The following BMP1 variants were observed in gnomAD, a reference collection of about 807,000 sequenced individuals.
BMP1 encodes bone morphogenetic protein 1, also known as mammalian tolloid protein.
Under a neutral mutation model 116.8 loss-of-function variants are expected in BMP1, and 63 were observed. The ratio of observed to expected loss-of-function variants is 0.54; its 90% CI spans 0.44 to 0.67. The LOEUF (loss-of-function observed/expected upper bound fraction) is 0.67, where lower values mean the gene tolerates loss of function less well. Among genes scored for constraint, BMP1 ranks in the 30% least tolerant of loss-of-function variants. The probability of loss-of-function intolerance (pLI) is 0.00; values close to 1 mark genes in which losing one functional copy is unlikely to be tolerated. For synonymous variants in BMP1, 536 were observed against 533.4 expected, an observed-to-expected ratio of 1.00 and a Z score of -0.07; for missense variants, 1,183 against 1,358.9, an observed-to-expected ratio of 0.87 and a Z score of 2.04.
At chr8:22,211,481 A>G in intron 19 of BMP1, 113 bp from the exon 20 acceptor site, 1 of 1,436,678 alleles carries the variant, frequency 7.0e-7, no homozygotes, top group Non-Finnish European at 9.6e-7. Flanking sequence ...GGCGGGGAGA[A>G]TCTGGTGGCT....
chr8:22,188,446 A>G (rs1047958365), intron 8 of BMP1, among the ~76,000 whole-genome samples: 5 of 152,160 alleles, frequency 3.3e-5, no homozygotes, highest in Non-Finnish European at 7.3e-5. Flanking sequence ...CTGGGATTAC[A>G]GGCATAAGCC....
At chr8:22,196,244 C>T (rs375705753) in intron 13 of BMP1, 13 of 529,400 alleles carry the variant, frequency 2.5e-5, no homozygotes, top group African/African-American at 5.7e-5. Context: ...CGCCTCTCCA[C>T]GCATGGTCCC....
chr8:22,172,607 CTTTTTTTTTTTT>C (rs368585884), intron 1 of BMP1, among the ~76,000 whole-genome samples: 2 of 97,322 alleles, frequency 2.1e-5, no homozygotes, highest in East Asian at 2.7e-4. Context: ...TTTATTTCCT[CTTTTTTTTTTTT>C]TTTTTTTTTT....
At chr8:22,189,925 T>A (rs1563259047) in intron 8 of BMP1, among the ~76,000 whole-genome samples, 1 of 152,152 alleles carries the variant, frequency 6.6e-6, no homozygotes, top group Non-Finnish European at 1.5e-5. Flanking sequence ...TTTATTTTAT[T>A]TTATATTTTT....
intron 16 of BMP1, among the ~76,000 whole-genome samples, chr8:22,202,700 G>C (rs998817624): frequency 1.3e-5 from 2 of 152,230 alleles, no homozygotes; most frequent in South Asian, 2.1e-4. Context: ...TTTTAAACAG[G>C]TTTTTAAACT....
chr8:22,211,552 GC>G (rs1372533018), intron 19 of BMP1, 41 bp from the exon 20 acceptor site: 2 of 1,612,806 alleles, frequency 1.2e-6, no homozygotes, highest in Non-Finnish European at 1.7e-6. Flanking sequence ...AGCAGCCCCA[GC>G]CCCTCTTCCT....
At chr8:22,177,819 T>A in intron 5 of BMP1, 33 bp from the exon 6 acceptor site, 55 of 1,373,210 alleles carry the variant, frequency 4.0e-5, no homozygotes, top group Non-Finnish European at 4.9e-5. Context: ...CACCCCCTCC[T>A]CTCCCCCCAC....
chr8:22,186,747 A>G (rs1326725854), intron 8 of BMP1, among the ~76,000 whole-genome samples: 3 of 151,864 alleles, frequency 2.0e-5, no homozygotes, highest in Admixed American at 6.6e-5. Flanking sequence ...TACAGGCGTG[A>G]GCCCCCATGC....
chr8:22,182,509 CGTT>C (rs1442432974), intron 8 of BMP1, among the ~76,000 whole-genome samples: 1 of 152,218 alleles, frequency 6.6e-6, no homozygotes, highest in Non-Finnish European at 1.5e-5. Flanking sequence ...ATCTTTCTGT[CGTT>C]GGCCCAGGAA....
intron 5 of BMP1, 67 bp downstream of exon 5, chr8:22,177,206 C>A: frequency 9.5e-6 from 14 of 1,468,338 alleles, no homozygotes; most frequent in Middle Eastern, 2.2e-4. Context: ...CTCCAGGACC[C>A]CTGGGGGCAG....
intron 8 of BMP1, among the ~76,000 whole-genome samples, chr8:22,188,874 G>T (rs1040092162): frequency 2.0e-5 from 3 of 152,200 alleles, no homozygotes; most frequent in African/African-American, 7.2e-5. Flanking sequence ...AGGAAAGCGG[G>T]CGCTTGTCCT....
Position 22,173,727 on chromosome 8 carries a change from G to T in BMP1, c.262+12G>T, listed in dbSNP as rs763421868. ...CATCAAAGCTGCAGGTAAGCCGGGT[G>T]CCAATGGGCCCTCTGTGTCCTAGAA... On this transcript the variant is annotated intron_variant, in intron 2 of 19. Transcript: ENST00000306385. 2 of 1,597,794 alleles carry T rather than the reference G, an allele frequency of 1.3e-6. No individual in the cohort carries two copies. Among genetic ancestry groups the T allele is most frequent in the East Asian group, 4.5e-5 (2 of 44,618 alleles).
chr8:22,199,120 G>C, intron 15 of BMP1: 1 of 1,367,616 alleles, frequency 7.3e-7, no homozygotes, highest in Non-Finnish European at 9.8e-7. Flanking sequence ...CCCACCCTCA[G>C]CCCTGCACGG....
chr8:22,178,799 A>G (rs1240214268), intron 6 of BMP1, among the ~76,000 whole-genome samples: 1 of 151,486 alleles, frequency 6.6e-6, no homozygotes, highest in South Asian at 2.1e-4. Flanking sequence ...CTCCTCCTCA[A>G]ACTCCTTCCT....
At chr8:22,192,617 C>T (rs770300594) in intron 9 of BMP1, among the ~76,000 whole-genome samples, 2 of 152,238 alleles carry the variant, frequency 1.3e-5, no homozygotes, top group South Asian at 4.1e-4. Flanking sequence ...CATCTCCTAA[C>T]TCACTGCCGA....
In BMP1 at chr8:22,173,737, C is replaced by A. The variant is rs572208344; in HGVS notation, c.262+22C>A. The A allele has an allele frequency of 3.0e-4, 468 of 1,573,484 alleles. 5 individuals are homozygous for A. The South Asian group carries it at 5.0e-3, about 17-fold the overall frequency. ...GCAGGTAAGCCGGGTGCCAATGGGC[C>A]CTCTGTGTCCTAGAAATGGGTTCCA... On this transcript the variant is annotated intron_variant, in intron 2 of 19. Coordinates refer to ENST00000306385, the MANE Select transcript of BMP1 (RefSeq NM_006129.5).
rs369567618 is a variant in BMP1 at position 22,188,936 on chromosome 8, A to C, written c.1078-3113A>C. Among the ~76,000 whole-genome samples, 74 of 152,318 alleles carry C rather than the reference A, an allele frequency of 4.9e-4. 1 individual carries two copies. In the South Asian group the frequency reaches 0.015, roughly 31 times the overall value. ...TGGCAGGCCCAGGAAGGCCACGTGG[A>C]GGAGTGGTGGAGGGTGTGAGTCAGG... is the stretch of plus-strand genomic sequence containing the variant. On this transcript the variant is annotated intron_variant, in intron 8 of 19. Coordinates refer to ENST00000306385, the MANE Select transcript of BMP1 (RefSeq NM_006129.5).
At chr8:22,188,752 T>C (rs1828849243) in intron 8 of BMP1, among the ~76,000 whole-genome samples, 1 of 152,214 alleles carries the variant, frequency 6.6e-6, no homozygotes, top group South Asian at 2.1e-4. Context: ...CTCCTACTTC[T>C]TTGGAGCTCT....
At position 22,195,567 on chromosome 8, in the gene BMP1, C is replaced by T. The variant is rs762258283; in HGVS notation, c.1745C>T (p.Pro582Leu). 1.9e-6 allele frequency: 3 copies of T among 1,612,374 alleles called. No individual in the cohort carries two copies. The highest frequency in any genetic ancestry group is 3.3e-5 in the Admixed American group (2 of 59,870). Reference protein sequence around the residue: ...CSCDPGYELAPDKRRCEAACG... With the variant: ...CSCDPGYELALDKRRCEAACG... Reference sequence around the variant, plus strand: ...TGTGACCCCGGGTACGAGCTGGCCCCAGACAAGCGCCGCTGTGAGGGTGAG... The same window carrying T: ...TGTGACCCCGGGTACGAGCTGGCCCTAGACAAGCGCCGCTGTGAGGGTGAG... The change falls in exon 13 of 20, where the codon CCA (proline) becomes CTA (leucine). Residue 582 changes from proline to leucine, a missense_variant. By Grantham distance (98) the Pro-to-Leu change is moderately conservative (BLOSUM62 -3). Around this residue, in one of 4 missense-constraint regions of BMP1, gnomAD observed 956 missense variants for 1,135.2 expected, o/e 0.84. Coordinates refer to ENST00000306385, the MANE Select transcript of BMP1 (RefSeq NM_006129.5).
Sources: allele counts gnomAD v4.1 joint callset (sites outside exome capture counted in the v4.1 genomes callset), GRCh38; gene constraint gnomAD v4.1.1; regional missense constraint gnomAD v4.1.1; transcripts MANE v1.5; gene names NCBI Gene and HGNC (gene_info 2026-07-23, HGNC 2026-07-21).